Variants in NKAIN3 observed in about 807,000 individuals in gnomAD.
NKAIN3 encodes sodium/potassium-transporting ATPase subunit beta-1-interacting protein 3.
Under a neutral mutation model 30.2 loss-of-function variants are expected in NKAIN3, and 25 were observed. The ratio of observed to expected loss-of-function variants is 0.83; its 90% confidence interval spans 0.60 to 1.16. The LOEUF (loss-of-function observed/expected upper bound fraction) is 1.16, where lower values mean the gene tolerates loss of function less well. Ranked by LOEUF, NKAIN3 falls within the 50% of genes most tolerant of loss-of-function variation. The pLI, the probability that NKAIN3 is intolerant of heterozygous loss-of-function variation, is 0.00. For synonymous variants in NKAIN3, 91 were observed against 89.6 expected (o/e 1.02, Z -0.09); for missense variants, 225 against 254.1 (o/e 0.89, Z 0.78).
intron 1 of NKAIN3, among the ~76,000 whole-genome samples, chr8:62,413,501 A>G (rs1343352710): frequency 1.3e-5 from 2 of 152,210 alleles, no homozygotes; most frequent in African/African-American, 4.8e-5. Flanking sequence ...TTTCATATGT[A>G]GAGGGTATTC....
chr8:62,971,372 T>C lies in NKAIN3; in HGVS notation c.*5965T>C, dbSNP rs80024401. Reference sequence around the variant, plus strand: ...AAGAGCTTTGCTGGACATGGTGGCTTATGCCTGTAATTTCAGCAATTTGGA... The same window carrying C: ...AAGAGCTTTGCTGGACATGGTGGCTCATGCCTGTAATTTCAGCAATTTGGA... On this transcript the variant is annotated 3_prime_UTR_variant, in exon 7 of 7. Transcript: ENST00000623646. Among the ~76,000 whole-genome samples, 3,105 of 152,286 alleles carry C rather than the reference T, an allele frequency of 0.02. 93 individuals carry two copies. The highest frequency in any genetic ancestry group is 0.066 in the African/African-American group (2,759 of 41,564).
At chr8:62,929,043 T>C (rs1344151383) in intron 5 of NKAIN3, among the ~76,000 whole-genome samples, 1 of 152,160 alleles carries the variant, frequency 6.6e-6, no homozygotes, top group Non-Finnish European at 1.5e-5. Context: ...ACATGTAGGC[T>C]AACACCTGAG....
At chr8:62,378,252 A>G (rs765885465) in intron 1 of NKAIN3, among the ~76,000 whole-genome samples, 2 of 152,198 alleles carry the variant, frequency 1.3e-5, no homozygotes, top group Non-Finnish European at 2.9e-5. Flanking sequence ...ATGATTTAGC[A>G]TATCTGACAG....
chr8:62,750,573 G>C (rs1816244151), intron 4 of NKAIN3, among the ~76,000 whole-genome samples: 2 of 152,102 alleles, frequency 1.3e-5, no homozygotes, highest in African/African-American at 2.4e-5. Context: ...TTCTGCCGGC[G>C]CCTCTGTCCC....
At chr8:62,427,394 T>TC (rs1330791084) in intron 1 of NKAIN3, among the ~76,000 whole-genome samples, 1 of 151,966 alleles carries the variant, frequency 6.6e-6, no homozygotes, top group Non-Finnish European at 1.5e-5. Context: ...AGATCCTGGG[T>TC]CCCCTACTGT....
At chr8:62,736,578 A>G (rs1470862438) in intron 3 of NKAIN3, among the ~76,000 whole-genome samples, 1 of 152,140 alleles carries the variant, frequency 6.6e-6, no homozygotes, top group Admixed American at 6.5e-5. Flanking sequence ...GCAGCCACTA[A>G]GCAGGGCTGA....
chr8:62,674,036 C>G (rs1224036965), intron 3 of NKAIN3, among the ~76,000 whole-genome samples: 3 of 152,128 alleles, frequency 2.0e-5, no homozygotes, highest in Non-Finnish European at 4.4e-5. Flanking sequence ...AGGGAGGGGA[C>G]TTATTTATGA....
At chr8:62,592,043 C>T (rs1365241062) in intron 3 of NKAIN3, among the ~76,000 whole-genome samples, 1 of 151,998 alleles carries the variant, frequency 6.6e-6, no homozygotes, top group Non-Finnish European at 1.5e-5. Context: ...CCTCCCTATG[C>T]TGTCAATTTG....
chr8:62,801,369 C>T (rs944089386), intron 4 of NKAIN3, among the ~76,000 whole-genome samples: 3 of 152,174 alleles, frequency 2.0e-5, no homozygotes, highest in Admixed American at 6.5e-5. Context: ...AGGCACCCCC[C>T]GATAGGGGCA....
At chr8:62,858,808 G>T (rs1002539984) in intron 4 of NKAIN3, among the ~76,000 whole-genome samples, 2 of 152,228 alleles carry the variant, frequency 1.3e-5, no homozygotes, top group Non-Finnish European at 2.9e-5. Flanking sequence ...ACTGCAGGCT[G>T]GCTGGAATTC....
At chr8:62,294,143 C>G (rs1342389078) in intron 1 of NKAIN3, among the ~76,000 whole-genome samples, 1 of 152,192 alleles carries the variant, frequency 6.6e-6, no homozygotes, top group African/African-American at 2.4e-5. Context: ...GTCACGGCTT[C>G]TCTTTGGTAG....
chr8:62,485,036 G>T (rs775557933), intron 1 of NKAIN3, among the ~76,000 whole-genome samples: 4 of 152,194 alleles, frequency 2.6e-5, no homozygotes, highest in Admixed American at 6.5e-5. Context: ...TGATTCAACA[G>T]GAACTGCATA....
rs555623200 is a variant in NKAIN3 at position 62,849,709 on chromosome 8, G to C, written c.472-68744G>C. Among the ~76,000 whole-genome samples, 9 of 148,496 alleles carry C rather than the reference G, an allele frequency of 6.1e-5. No individual in the cohort carries two copies. In the South Asian group the frequency reaches 1.7e-3, roughly 28 times the overall value. ...TATGAGTGAGAACATGCGGTGTTTG[G>C]TTTTTTGTCCTTCCGATAGTTTGCT... On this transcript the variant is annotated intron_variant, in intron 4 of 6. Coordinates refer to ENST00000623646, the MANE Select transcript of NKAIN3 (RefSeq NM_001304533.3).
At chr8:62,599,156 G>T (rs1381513576) in intron 3 of NKAIN3, among the ~76,000 whole-genome samples, 2 of 152,044 alleles carry the variant, frequency 1.3e-5, no homozygotes, top group Admixed American at 6.6e-5. Flanking sequence ...TATTATGGGA[G>T]TCTTGATCAC....
At chr8:62,955,162 G>A (rs1234341685) in intron 6 of NKAIN3, among the ~76,000 whole-genome samples, 1 of 152,134 alleles carries the variant, frequency 6.6e-6, no homozygotes, top group Non-Finnish European at 1.5e-5. Context: ...TATTCTGGCA[G>A]AATGATCTAA....
At chr8:62,390,544 C>A (rs1465891514) in intron 1 of NKAIN3, among the ~76,000 whole-genome samples, 5 of 152,110 alleles carry the variant, frequency 3.3e-5, no homozygotes, top group African/African-American at 7.2e-5. Flanking sequence ...GATTTATATT[C>A]CTTTGGGTAA....
chr8:62,849,849 T>C (rs1819827615), intron 4 of NKAIN3, among the ~76,000 whole-genome samples: 1 of 152,104 alleles, frequency 6.6e-6, no homozygotes, highest in African/African-American at 2.4e-5. Flanking sequence ...TAATCCAGTC[T>C]ATCATTGGTG....
chr8:62,887,625 C>T (rs373937626), intron 4 of NKAIN3, among the ~76,000 whole-genome samples: 7 of 152,018 alleles, frequency 4.6e-5, no homozygotes, highest in East Asian at 3.9e-4. Context: ...TTGATATATG[C>T]GCAAGCTCAG....
At chr8:62,289,050 G>A (rs1813480886) in intron 1 of NKAIN3, among the ~76,000 whole-genome samples, 2 of 152,168 alleles carry the variant, frequency 1.3e-5, no homozygotes, top group Admixed American at 6.5e-5. Context: ...CTTTTGAGAA[G>A]TGTCTGTTCA....
Sources: gnomAD v4.1 joint callset for allele counts (sites outside exome capture counted in the v4.1 genomes callset) on GRCh38, gnomAD v4.1.1 for gene constraint, MANE v1.5 for transcripts, NCBI Gene and HGNC (gene_info 2026-07-23, HGNC 2026-07-21) for gene names.